Variants in LYST observed in about 807,000 individuals in gnomAD.
LYST encodes the protein lysosomal-trafficking regulator.
Under a neutral mutation model 413.6 loss-of-function variants are expected in LYST, and 192 were observed. The ratio of observed to expected loss-of-function variants is 0.46; its 90% CI spans 0.41 to 0.52. The LOEUF (loss-of-function observed/expected upper bound fraction) is 0.52, where lower values mean the gene tolerates loss of function less well. Ranked by LOEUF, LYST falls within the 20% of genes least tolerant of loss-of-function variation. LYST has a pLI of 0.00. For missense variants in LYST, 3,815 were observed against 4,499.9 expected (o/e 0.85, Z 4.35); for synonymous variants, 1,525 against 1,567.3 (o/e 0.97, Z 0.64).
chr1:235,694,206 G>A (rs909962529), intron 46 of LYST, among the ~76,000 whole-genome samples: 5 of 151,864 alleles, frequency 3.3e-5, no homozygotes, highest in African/African-American at 4.8e-5. Context: ...GTAGAGACGG[G>A]GTTTCATCAT....
At chr1:235,861,498 G>T (rs890053518) in intron 1 of LYST, among the ~76,000 whole-genome samples, 4 of 152,114 alleles carry the variant, frequency 2.6e-5, no homozygotes, top group African/African-American at 9.7e-5. Context: ...TGCCCTCAAA[G>T]ACTCCAAGAT....
chr1:235,691,145 C>G (rs1313939137), intron 47 of LYST, among the ~76,000 whole-genome samples: 1 of 152,126 alleles, frequency 6.6e-6, no homozygotes, highest in Non-Finnish European at 1.5e-5. Flanking sequence ...GTCTCGATCT[C>G]CTGACCTTGT....
At chr1:235,666,766 T>C (rs754475583) in intron 50 of LYST, among the ~76,000 whole-genome samples, 1 of 152,182 alleles carries the variant, frequency 6.6e-6, no homozygotes, top group African/African-American at 2.4e-5. Flanking sequence ...GTAGGCTACA[T>C]TTCAACCTTT....
chr1:235,773,578 A>G (rs187363749), intron 19 of LYST, among the ~76,000 whole-genome samples: 10 of 152,332 alleles, frequency 6.6e-5, no homozygotes, highest in Admixed American at 5.2e-4. Context: ...GATCCTACTT[A>G]TATGAGATCC....
intron 13 of LYST, among the ~76,000 whole-genome samples, chr1:235,788,121 A>G (rs1670619105): frequency 6.6e-6 from 1 of 152,064 alleles, no homozygotes; most frequent in African/African-American, 2.4e-5. Context: ...CAAACAGAGA[A>G]TTAATGTATT....
chr1:235,800,732 A>C lies in LYST; in HGVS notation c.3939+139T>G, dbSNP rs533987451. ...TAGAAGATTTTGGAATACCACTTGT[A>C]GGTATTCACCTGAGGTACCAGAAAA... is the stretch of plus-strand genomic sequence containing the variant. On this transcript the variant is annotated intron_variant, in intron 9 of 52. Coordinates refer to ENST00000389793, the MANE Select transcript of LYST (RefSeq NM_000081.4). 5.3e-4 allele frequency: 347 copies of C among 650,886 alleles called. 1 individual carries two copies. The highest frequency in any genetic ancestry group is 8.1e-4 in the Non-Finnish European group (303 of 374,028). 40.3% of individuals were successfully genotyped at this position (650,886 alleles called of 1,614,324 possible).
intron 11 of LYST, among the ~76,000 whole-genome samples, chr1:235,792,576 A>G (rs1287193529): frequency 1.3e-5 from 2 of 152,048 alleles, no homozygotes; most frequent in Admixed American, 1.3e-4. Context: ...CGGCCTCCCA[A>G]AGTGCTGGGA....
upstream of LYST, among the ~76,000 whole-genome samples, chr1:235,868,119 TCTTTA>T (rs2103219396): frequency 6.6e-6 from 1 of 152,296 alleles, no homozygotes; most frequent in Admixed American, 6.5e-5. Flanking sequence ...GCAGTTCATA[TCTTTA>T]GGCGAAGATT....
At chr1:235,700,912 AATACAT>A (rs1289743514) in intron 45 of LYST, among the ~76,000 whole-genome samples, 1 of 152,250 alleles carries the variant, frequency 6.6e-6, no homozygotes, top group African/African-American at 2.4e-5. Flanking sequence ...TAAATAAACA[AATACAT>A]ATACAATATG....
At chr1:235,804,745 T>C (rs1049350772) in intron 6 of LYST, 80 bp from the exon 7 acceptor site, 4 of 858,052 alleles carry the variant, frequency 4.7e-6, no homozygotes, top group Non-Finnish European at 7.4e-6. Context: ...TAATAAATAT[T>C]TACTTAAGTA....
chr1:235,825,787 A>C (rs1459410358), intron 3 of LYST, among the ~76,000 whole-genome samples: 1 of 152,194 alleles, frequency 6.6e-6, no homozygotes, highest in Admixed American at 6.5e-5. Flanking sequence ...TGCCATCTTA[A>C]ATGAAATCCT....
intron 31 of LYST, among the ~76,000 whole-genome samples, chr1:235,740,640 A>G (rs1665293902): frequency 6.6e-6 from 1 of 152,220 alleles, no homozygotes; most frequent in Non-Finnish European, 1.5e-5. Context: ...GGTGCTGTAG[A>G]ATAGTCTATA....
chr1:235,703,318 T>C (rs989493270), intron 44 of LYST, among the ~76,000 whole-genome samples: 5 of 152,194 alleles, frequency 3.3e-5, no homozygotes, highest in African/African-American at 1.2e-4. Context: ...AAAATGAAGT[T>C]AAAATACAAT....
intron 1 of LYST, among the ~76,000 whole-genome samples, chr1:235,865,507 C>CAT (rs1178705488): frequency 2.0e-5 from 3 of 152,236 alleles, no homozygotes; most frequent in African/African-American, 4.8e-5. Context: ...TTACTAAATA[C>CAT]ATATATATAA....
At position 235,778,051 on chromosome 1, in the gene LYST, C is replaced by T. The variant is rs187586955; in HGVS notation, c.5215-743G>A. ...GATCCTCCCACCTCAGCCTCCCAAG[C>T]AGCTAGGACTACAGGCACCTGCCAC... On this transcript the variant is annotated intron_variant, in intron 16 of 52. Coordinates refer to ENST00000389793, the MANE Select transcript of LYST (RefSeq NM_000081.4). 4.0e-3 allele frequency among the ~76,000 whole-genome samples: 586 copies of T among 146,764 alleles called. 7 individuals carry two copies. Among genetic ancestry groups the T allele is most frequent in the African/African-American group, 0.015 (555 of 37,356 alleles).
chr1:235,777,438 C>T (rs1669386296), intron 16 of LYST, 130 bp from the exon 17 acceptor site: 3 of 731,918 alleles, frequency 4.1e-6, no homozygotes, highest in Non-Finnish European at 6.9e-6. Flanking sequence ...ACAACAGCTA[C>T]TACACTAAAC....
intron 50 of LYST, among the ~76,000 whole-genome samples, chr1:235,669,422 G>A (rs146233251): frequency 3.3e-4 from 50 of 152,350 alleles, no homozygotes; most frequent in African/African-American, 1.0e-3. Flanking sequence ...AAACTCCCAC[G>A]TTTTCTGCTG....
At chr1:235,797,958 C>CAG (rs1671736782) in intron 10 of LYST, among the ~76,000 whole-genome samples, 1 of 152,068 alleles carries the variant, frequency 6.6e-6, no homozygotes, top group Non-Finnish European at 1.5e-5. Context: ...CAAACATAAG[C>CAG]AGAGGGCTTG....
At position 235,815,858 on chromosome 1, in the gene LYST, C is replaced by T. The variant is rs368661929; in HGVS notation, c.193-2797G>A. ...ACAATATTGTTAAAATGGGGCCGGG[C>T]GCGGTGGCTCACGCCTGTAATCCCA... On this transcript the variant is annotated intron_variant, in intron 3 of 52. Transcript: ENST00000389793. Among the ~76,000 whole-genome samples the T allele has an allele frequency of 5.3e-5, 8 of 152,126 alleles. No individual in the cohort carries two copies. In the South Asian group the frequency reaches 1.4e-3, roughly 28 times the overall value.
Sources: gnomAD v4.1 joint callset for allele counts (sites outside exome capture counted in the v4.1 genomes callset) on GRCh38, gnomAD v4.1.1 for gene constraint, MANE v1.5 for transcripts, NCBI Gene and HGNC (gene_info 2026-07-23, HGNC 2026-07-21) for gene names.